NBDY: variants seen among roughly 807,000 people sequenced by gnomAD.
The protein encoded by NBDY is negative regulator of P-body association, also known as P-body dissociating protein.
At chrX:56,764,877 G>A (rs2069657886) in intron 2 of NBDY, among the ~76,000 whole-genome samples, 1 of 111,237 alleles carries the variant, frequency 9.0e-6, no homozygotes, top group Non-Finnish European at 1.9e-5. Context: ...CCCACGCGGT[G>A]CAGACCCGGG....
intron 2 of NBDY, among the ~76,000 whole-genome samples, chrX:56,807,486 T>C (rs935936191): frequency 5.4e-5 from 6 of 111,792 alleles, no homozygotes; most frequent in Admixed American, 3.8e-4. Context: ...CCTCTTTTAT[T>C]TCATTGAGCA....
At chrX:56,815,195 C>T (rs961496429) in intron 2 of NBDY, among the ~76,000 whole-genome samples, 7 of 111,504 alleles carry the variant, frequency 6.3e-5, no homozygotes, top group Non-Finnish European at 1.3e-4. Flanking sequence ...GCTAAAAACA[C>T]TTAATTTTAA....
At chrX:56,758,316 G>GAA (rs757268190) in intron 2 of NBDY, among the ~76,000 whole-genome samples, 6 of 81,471 alleles carry the variant, frequency 7.4e-5, no homozygotes, top group African/African-American at 3.5e-4. Context: ...ACTCTGTCTC[G>GAA]AAAAAAAAAA....
Position 56,794,403 on chromosome X carries a change from CA to C in NBDY, c.*167-22910del, listed in dbSNP as rs780860365. On this transcript the variant is annotated intron_variant, in intron 2 of 2. Transcript: ENST00000374922. The stretch of plus-strand genomic sequence containing the variant: ...TCCTGCCAACTGAACAAAACCAACA[CA>C]AAAAAACAAAAGCAAAGAAACAAAG... Among the ~76,000 whole-genome samples the C allele has an allele frequency of 9.0e-5, 10 of 111,637 alleles. No individual in the cohort carries two copies. In the East Asian group the frequency reaches 2.3e-3, roughly 25 times the overall value.
intron 1 of NBDY, among the ~76,000 whole-genome samples, chrX:56,731,021 A>G (rs1240443214): frequency 9.0e-6 from 1 of 111,275 alleles, no homozygotes; most frequent in African/African-American, 3.3e-5. Flanking sequence ...CCTAGTACAT[A>G]ATAGGAGTGA....
chrX:56,752,955 G>T (rs1294240022), intron 2 of NBDY, among the ~76,000 whole-genome samples: 1 of 112,375 alleles, frequency 8.9e-6, no homozygotes, highest in African/African-American at 3.2e-5. Context: ...TGATTATTTG[G>T]ATGGGTGTCC....
chrX:56,736,262 A>G (rs2069490751), intron 2 of NBDY, among the ~76,000 whole-genome samples: 1 of 111,994 alleles, frequency 8.9e-6, no homozygotes, highest in African/African-American at 3.2e-5. Flanking sequence ...ACAACATTGA[A>G]TAATTCTATT....
Position 56,818,094 on chromosome X carries a change from T to A in NBDY, c.*941T>A, listed in dbSNP as rs988698261. On this transcript the variant is annotated 3_prime_UTR_variant, in exon 3 of 3. Coordinates refer to ENST00000374922, the MANE Select transcript of NBDY (RefSeq NM_001348129.2). ...GGAATTACAAGGTTATAGAAAAAAA[T>A]TTATAGACTATAATAATTTCCAGGG... is the stretch of plus-strand genomic sequence containing the variant. The A allele has an allele frequency of 9.0e-6, 1 of 111,429 alleles. No individual in the cohort carries two copies. The highest frequency in any genetic ancestry group is 2.8e-4 in the East Asian group (1 of 3,595). The allele number at this position is 111,429 out of a possible 1,213,427, so 9.2% of individuals were successfully genotyped here. A position where few individuals can be genotyped will look rare whatever the true frequency, so the allele number is the denominator to read the frequency against.
chrX:56,744,143 A>G (rs1449184102), intron 2 of NBDY, among the ~76,000 whole-genome samples: 1 of 110,844 alleles, frequency 9.0e-6, no homozygotes, highest in African/African-American at 3.3e-5. Flanking sequence ...CTTGTTATTG[A>G]TTTCTATTTT....
chrX:56,802,946 T>C (rs1216980757), intron 2 of NBDY, among the ~76,000 whole-genome samples: 1 of 111,976 alleles, frequency 8.9e-6, no homozygotes, highest in African/African-American at 3.3e-5. Flanking sequence ...TTTGTTTCTC[T>C]TTCCCTTTTC....
chrX:56,786,318 C>T (rs1379036115), intron 2 of NBDY, among the ~76,000 whole-genome samples: 1 of 111,157 alleles, frequency 9.0e-6, no homozygotes, highest in African/African-American at 3.3e-5. Flanking sequence ...AAGAAGCTTC[C>T]TAGTTGTTTG....
chrX:56,815,000 A>G (rs984705095), intron 2 of NBDY, among the ~76,000 whole-genome samples: 4 of 111,240 alleles, frequency 3.6e-5, no homozygotes, highest in African/African-American at 1.3e-4. Context: ...TATCTTATAC[A>G]CAATTTTTAC....
At chrX:56,785,476 C>T (rs976332209) in intron 2 of NBDY, among the ~76,000 whole-genome samples, 2 of 111,372 alleles carry the variant, frequency 1.8e-5, no homozygotes, top group Non-Finnish European at 3.8e-5. Context: ...CAGACACCTT[C>T]ATTCACCTCC....
chrX:56,747,602 A>G (rs760083406), intron 2 of NBDY, among the ~76,000 whole-genome samples: 1 of 112,031 alleles, frequency 8.9e-6, no homozygotes, highest in South Asian at 3.7e-4. Context: ...CAAAGGCTCA[A>G]GATAGATCTG....
Position 56,818,951 on chromosome X carries a change from A to G in NBDY, c.*1798A>G, listed in dbSNP as rs1225045620. The G allele has an allele frequency of 6.5e-5, 7 of 107,776 alleles. No individual in the cohort carries two copies. Among genetic ancestry groups the G allele is most frequent in the African/African-American group, 2.4e-4 (7 of 29,614 alleles). 8.9% of individuals were successfully genotyped at this position (107,776 alleles called of 1,213,427 possible). A position where few individuals can be genotyped will look rare whatever the true frequency, so the allele number is the denominator to read the frequency against. The stretch of plus-strand genomic sequence containing the variant: ...ACAAAAGGGGAAATAACTATTTTCA[A>G]TAAATGGTACTGGGACAACTTGGTA... On this transcript the variant is annotated 3_prime_UTR_variant, in exon 3 of 3. Transcript: ENST00000374922.
intron 2 of NBDY, among the ~76,000 whole-genome samples, chrX:56,781,509 G>T (rs1397081594): frequency 8.9e-6 from 1 of 111,950 alleles, no homozygotes; most frequent in Non-Finnish European, 1.9e-5. Flanking sequence ...GAGGACACAG[G>T]AGGCTACTCA....
At chrX:56,766,413 C>G (rs2069665929) in intron 2 of NBDY, among the ~76,000 whole-genome samples, 1 of 111,469 alleles carries the variant, frequency 9.0e-6, no homozygotes, top group Non-Finnish European at 1.9e-5. Flanking sequence ...AATAAAATCA[C>G]AAACACACAC....
Position 56,730,513 on chromosome X carries a change from CAAAAAAAAAAAAAAAAA to C in NBDY, c.*29+941_*29+957del, listed in dbSNP as rs1157131797. Among the ~76,000 whole-genome samples the C allele has an allele frequency of 8.4e-3, 94 of 11,225 alleles. 2 individuals carry two copies. The highest frequency in any genetic ancestry group is 0.067 in the South Asian group (2 of 30). 9.7% of individuals were successfully genotyped at this position (11,225 alleles called of 115,157 possible). A position where few individuals can be genotyped will look rare whatever the true frequency, so the allele number is the denominator to read the frequency against. ...GCGACAATAGCAAAAAACTACGTCT[CAAAAAAAAAAAAAAAAA>C]AAAAAAAAAAAAAAAAGGAAGGAGG... On this transcript the variant is annotated intron_variant, in intron 1 of 2. Coordinates refer to ENST00000374922, the MANE Select transcript of NBDY (RefSeq NM_001348129.2).
At chrX:56,742,704 A>T (rs766511134) in intron 2 of NBDY, among the ~76,000 whole-genome samples, 1 of 111,856 alleles carries the variant, frequency 8.9e-6, no homozygotes, top group Admixed American at 9.5e-5. Context: ...TACTGAATTT[A>T]TCAGTTCTTA....
Sources: gnomAD v4.1 joint callset for allele counts (sites outside exome capture counted in the v4.1 genomes callset) on GRCh38, gnomAD v4.1.1 for gene constraint, MANE v1.5 for transcripts, NCBI Gene and HGNC (gene_info 2026-07-23, HGNC 2026-07-21) for gene names.